NCBP2: variants seen among roughly 807,000 people sequenced by gnomAD.
The protein encoded by NCBP2 is nuclear cap binding protein subunit 2, also known as nuclear cap-binding protein subunit 2.
A neutral mutation model predicts 21.5 loss-of-function variants in NCBP2; 8 were observed. That is an observed-to-expected ratio of 0.37 (90% CI 0.22 to 0.67). NCBP2 has a LOEUF of 0.67. Ranked by LOEUF, NCBP2 falls within the 30% of genes least tolerant of loss-of-function variation. The pLI, the probability that NCBP2 is intolerant of heterozygous loss-of-function variation, is 0.56. For missense variants in NCBP2, 127 were observed against 206.9 expected (o/e 0.61, Z 2.37); for synonymous variants, 92 against 75.8 (o/e 1.21, Z -1.11).
chr3:196,936,337 G>A lies in NCBP2; in HGVS notation c.*674C>T, dbSNP rs1323809480. Reference sequence around the variant, plus strand: ...ACACAGGAAGGTCCTTGACCTCTAAGCATGCCTTTAGAGGTTAGAATTCAC... The same window carrying A: ...ACACAGGAAGGTCCTTGACCTCTAAACATGCCTTTAGAGGTTAGAATTCAC... On this transcript the variant is annotated 3_prime_UTR_variant, in exon 4 of 4. Transcript: ENST00000321256. 6.5e-5 allele frequency: 10 copies of A among 152,688 alleles called. No homozygotes were observed. The highest frequency in any genetic ancestry group is 2.0e-4 in the Admixed American group (3 of 15,316). The allele number at this position is 152,688 out of a possible 1,614,324, so 9.5% of individuals were successfully genotyped here.
intron 1 of NCBP2, chr3:196,942,165 G>A (rs1577868676): frequency 1.4e-6 from 2 of 1,459,010 alleles, no homozygotes; most frequent in South Asian, 1.4e-5. Context: ...CAAACCTCTC[G>A]GCACTGGCTG....
At chr3:196,941,575 G>A (rs942783457) in intron 1 of NCBP2, 2 of 353,478 alleles carry the variant, frequency 5.7e-6, no homozygotes, top group Admixed American at 4.5e-5. Context: ...TGAGCTCGCA[G>A]AGCGCAGAAA....
At position 196,937,078 on chromosome 3, in the gene NCBP2, C is replaced by T; in HGVS notation, c.404G>A (p.Arg135Gln). The T allele has an allele frequency of 6.2e-7, 1 of 1,614,094 alleles. No individual in the cohort carries two copies. Among genetic ancestry groups the T allele is most frequent in the Non-Finnish European group, 8.5e-7 (1 of 1,180,002 alleles). The change falls in exon 4 of 4, where the codon CGG (arginine) becomes CAG (glutamine). Residue 135 changes from arginine to glutamine, a missense_variant. Transcript: ENST00000321256. ...YGRGRSGGQV[R>Q]DEYRQDYDAG... ...ATCGTAGTCCTGCCGATACTCATCCCGAACCTTTAATGGAAAGAATCCAGA... is the reference window on the plus strand; with the variant it reads ...ATCGTAGTCCTGCCGATACTCATCCTGAACCTTTAATGGAAAGAATCCAGA...
rs1716608340 is a variant in NCBP2 at position 196,942,009 on chromosome 3, A to G, written c.78+417T>C. ...CCGAAGGGCACTGCTTCGCCGATTT[A>G]AAAAACAAAGCAAAAAGCCCCGCAT... On this transcript the variant is annotated intron_variant, in intron 1 of 3. Coordinates refer to ENST00000321256, the MANE Select transcript of NCBP2 (RefSeq NM_007362.5). 14 of 1,536,140 alleles carry G rather than the reference A, an allele frequency of 9.1e-6. No individual in the cohort carries two copies. In the East Asian group the frequency reaches 9.8e-5, roughly 11 times the overall value.
At chr3:196,942,063 CTG>C (rs1291159058) in intron 1 of NCBP2, 1 of 1,529,174 alleles carries the variant, frequency 6.5e-7, no homozygotes, top group African/African-American at 1.4e-5. Flanking sequence ...TCTGCCTACT[CTG>C]GGAGAGAGAA....
intron 1 of NCBP2, chr3:196,942,205 G>T: frequency 6.9e-7 from 1 of 1,459,628 alleles, no homozygotes; most frequent in Non-Finnish European, 9.0e-7. Context: ...GAGCGAATGG[G>T]ATAAGCGAGC....
intron 1 of NCBP2, among the ~76,000 whole-genome samples, 195 bp from the exon 2 acceptor site, chr3:196,939,627 G>T (rs557185447): frequency 6.6e-6 from 1 of 152,204 alleles, no homozygotes. Context: ...CAGACTCTTA[G>T]TAGAGACAGG....
At chr3:196,939,956 CAG>C (rs1716453167) in intron 1 of NCBP2, 1 of 152,406 alleles carries the variant, frequency 6.6e-6, no homozygotes, top group Non-Finnish European at 1.5e-5. Context: ...AAAAACAAAA[CAG>C]AGCTCACTTT....
intron 3 of NCBP2, 58 bp downstream of exon 3, chr3:196,937,452 C>A: frequency 6.2e-7 from 1 of 1,601,878 alleles, no homozygotes; most frequent in East Asian, 2.2e-5. Flanking sequence ...GCCAAAACAC[C>A]TGTCATTGTG....
At chr3:196,939,096 A>G (rs1018801889) in intron 2 of NCBP2, 155 bp downstream of exon 2, 6 of 581,416 alleles carry the variant, frequency 1.0e-5, no homozygotes, top group Non-Finnish European at 1.8e-5. Context: ...GAATATAAAT[A>G]GTATCAGCTT....
chr3:196,939,657 T>TA (rs1419293436), intron 1 of NCBP2, among the ~76,000 whole-genome samples: 1 of 152,198 alleles, frequency 6.6e-6, no homozygotes, highest in African/African-American at 2.4e-5. Flanking sequence ...TTATACCACA[T>TA]ACAACAAAGT....
intron 1 of NCBP2, 24 bp downstream of exon 1, chr3:196,942,402 G>GCAGTT: frequency 1.9e-6 from 3 of 1,609,218 alleles, no homozygotes; most frequent in Non-Finnish European, 2.5e-6. Flanking sequence ...GGGCCTTCCC[G>GCAGTT]TCTCGCGGCC....
intron 1 of NCBP2, chr3:196,941,778 T>A (rs1343568037): frequency 2.5e-6 from 2 of 809,926 alleles, no homozygotes; most frequent in East Asian, 5.3e-5. Context: ...TATACTGTGA[T>A]ATAGTCCGGA....
At chr3:196,942,123 TGGAAACGGGAGCC>T in intron 1 of NCBP2, 2 of 1,469,272 alleles carry the variant, frequency 1.4e-6, no homozygotes, top group Non-Finnish European at 1.8e-6. Context: ...GGCACAACCG[TGGAAACGGGAGCC>T]GCCACCACCA....
At position 196,936,827 on chromosome 3, in the gene NCBP2, C is replaced by T. The variant is rs1219552706; in HGVS notation, c.*184G>A. 3.8e-5 allele frequency: 23 copies of T among 603,718 alleles called. No individual in the cohort carries two copies. The highest frequency in any genetic ancestry group is 3.5e-4 in the South Asian group (17 of 48,924). The allele number at this position is 603,718 out of a possible 1,614,324, so 37.4% of individuals were successfully genotyped here. A position where few individuals can be genotyped will look rare whatever the true frequency, so the allele number is the denominator to read the frequency against. ...GATAATCTGACACATGGCCAAGATT[C>T]TCAGACAAGAATTAAAGGCATTCTT... On this transcript the variant is annotated 3_prime_UTR_variant, in exon 4 of 4. Coordinates refer to ENST00000321256, the MANE Select transcript of NCBP2 (RefSeq NM_007362.5).
At chr3:196,942,000 C>T (rs1464256811) in intron 1 of NCBP2, 8 of 1,536,204 alleles carry the variant, frequency 5.2e-6, no homozygotes, top group East Asian at 2.4e-5. Context: ...GGCACTGCTT[C>T]GCCGATTTAA....
chr3:196,937,374 G>A, intron 3 of NCBP2, 136 bp downstream of exon 3: 1 of 1,323,238 alleles, frequency 7.6e-7, no homozygotes, highest in Non-Finnish European at 1.0e-6. Flanking sequence ...ACCGTTGGGT[G>A]GTTTTCAGAT....
chr3:196,939,935 T>C (rs1716451672), intron 1 of NCBP2: 1 of 152,750 alleles, frequency 6.5e-6, no homozygotes, highest in South Asian at 2.1e-4. Flanking sequence ...GGGGAAAATG[T>C]AGTGATCACT....
chr3:196,939,206 C>T (rs756406294), intron 2 of NCBP2, 45 bp downstream of exon 2: 2 of 1,565,198 alleles, frequency 1.3e-6, no homozygotes, highest in Non-Finnish European at 1.8e-6. Context: ...CCACTCTCAG[C>T]TCTACCCTGG....
Sources: allele counts gnomAD v4.1 joint callset (sites outside exome capture counted in the v4.1 genomes callset), GRCh38; gene constraint gnomAD v4.1.1; transcripts MANE v1.5; gene names NCBI Gene and HGNC (gene_info 2026-07-23, HGNC 2026-07-21).